The following ALKBH5 variants were observed in gnomAD, a reference collection of about 807,000 sequenced individuals.
ALKBH5 encodes the protein RNA demethylase ALKBH5.
ALKBH5 carries 2 observed loss-of-function variants against 32.1 expected under a neutral mutation model. The observed-to-expected ratio is 0.06, with a 90% CI of 0.03 to 0.20. The LOEUF (loss-of-function observed/expected upper bound fraction) is 0.20, where lower values mean the gene tolerates loss of function less well. Ranked by LOEUF, ALKBH5 falls within the 10% of genes least tolerant of loss-of-function variation. The probability of loss-of-function intolerance (pLI) is 1.00; values close to 1 mark genes in which losing one functional copy is unlikely to be tolerated. For missense variants in ALKBH5, 352 were observed against 559.5 expected (o/e 0.63, Z 3.74); for synonymous variants, 300 against 231.7 (o/e 1.29, Z -2.68).
At position 18,184,179 on chromosome 17, in the gene ALKBH5, C is replaced by A. The variant is rs1484309261; in HGVS notation, c.-65C>A. Reference sequence around the variant, plus strand: ...CCCTCCGGGGGCCCCGGGGCGCGTCCCCTTAGAGCCATGCCCGGCTGCCCC... The same window carrying A: ...CCCTCCGGGGGCCCCGGGGCGCGTCACCTTAGAGCCATGCCCGGCTGCCCC... On this transcript the variant is annotated 5_prime_UTR_variant, in exon 1 of 4. Coordinates refer to ENST00000399138, the MANE Select transcript of ALKBH5 (RefSeq NM_017758.4). The A allele has an allele frequency of 2.9e-6, 4 of 1,367,426 alleles. No individual in the cohort carries two copies. Among genetic ancestry groups the A allele is most frequent in the Non-Finnish European group, 3.9e-6 (4 of 1,032,900 alleles). The allele number at this position is 1,367,426 out of a possible 1,614,324, so 84.7% of individuals were successfully genotyped here.
chr17:18,203,136 C>G (rs372299555), intron 2 of ALKBH5, among the ~76,000 whole-genome samples: 1 of 151,110 alleles, frequency 6.6e-6, no homozygotes, highest in African/African-American at 2.4e-5. Flanking sequence ...CCAGGTTGGT[C>G]TGAAACTCCT....
intron 2 of ALKBH5, among the ~76,000 whole-genome samples, chr17:18,201,401 A>C (rs544049057): frequency 5.9e-5 from 9 of 152,302 alleles, no homozygotes; most frequent in African/African-American, 1.9e-4. Flanking sequence ...CTCCAAATGC[A>C]GTCTTATCTG....
chr17:18,208,574 C>A lies in ALKBH5; in HGVS notation c.*178C>A. The stretch of plus-strand genomic sequence containing the variant: ...TGTTAGGGCTGAAGAATAGAATTGG[C>A]CAGGACCTAGGTTCTCATATTCTTG... On this transcript the variant is annotated 3_prime_UTR_variant, in exon 4 of 4. Transcript: ENST00000399138. 1 of 774,644 alleles carries A rather than the reference C, an allele frequency of 1.3e-6. No homozygotes were observed. Among genetic ancestry groups the A allele is most frequent in the Non-Finnish European group, 2.2e-6 (1 of 461,014 alleles). 48.0% of individuals were successfully genotyped at this position (774,644 alleles called of 1,614,324 possible). A position where few individuals can be genotyped will look rare whatever the true frequency, so the allele number is the denominator to read the frequency against.
In ALKBH5 at chr17:18,208,504, T is replaced by C. The variant is rs1406388065; in HGVS notation, c.*108T>C. ...CATTGGGGGGTTTTTGTTTTTTGTT[T>C]TTTGTTTTTTTTGATTCTATATATT... On this transcript the variant is annotated 3_prime_UTR_variant, in exon 4 of 4. Coordinates refer to ENST00000399138, the MANE Select transcript of ALKBH5 (RefSeq NM_017758.4). 3 of 1,259,926 alleles carry C rather than the reference T, an allele frequency of 2.4e-6. No homozygotes were observed. The highest frequency in any genetic ancestry group is 3.1e-5 in the African/African-American group (2 of 65,306). 78.0% of individuals were successfully genotyped at this position (1,259,926 alleles called of 1,614,324 possible). A position where few individuals can be genotyped will look rare whatever the true frequency, so the allele number is the denominator to read the frequency against.
At chr17:18,208,162 A>G in intron 3 of ALKBH5, 57 bp from the exon 4 acceptor site, 1 of 1,543,898 alleles carries the variant, frequency 6.5e-7, no homozygotes, top group East Asian at 2.3e-5. Context: ...TACAGCGGTA[A>G]AGCCAGGCGC....
At chr17:18,188,164 A>C (rs1215122126) in intron 1 of ALKBH5, among the ~76,000 whole-genome samples, 1 of 152,104 alleles carries the variant, frequency 6.6e-6, no homozygotes, top group Non-Finnish European at 1.5e-5. Flanking sequence ...TCTTCATATC[A>C]CTTTATCTGT....
rs574095180 is a variant in ALKBH5 at position 18,184,205 on chromosome 17, G to C, written c.-39G>C. ...CCTTAGAGCCATGCCCGGCTGCCCC[G>C]CCCGCCCCGGAGGACCCTAGAGCAG... is the stretch of plus-strand genomic sequence containing the variant. On this transcript the variant is annotated 5_prime_UTR_variant, in exon 1 of 4. Coordinates refer to ENST00000399138, the MANE Select transcript of ALKBH5 (RefSeq NM_017758.4). 1.8e-4 allele frequency: 267 copies of C among 1,454,238 alleles called. 2 individuals carry two copies. In the South Asian group the frequency reaches 3.4e-3, roughly 18 times the overall value. 90.1% of individuals were successfully genotyped at this position (1,454,238 alleles called of 1,614,324 possible). A position where few individuals can be genotyped will look rare whatever the true frequency, so the allele number is the denominator to read the frequency against.
At chr17:18,185,378 C>T (rs954598447) in intron 1 of ALKBH5, among the ~76,000 whole-genome samples, 2 of 146,366 alleles carry the variant, frequency 1.4e-5, no homozygotes, top group Non-Finnish European at 1.5e-5. Flanking sequence ...CTTCCATTTA[C>T]AAATCTATGC....
At chr17:18,185,193 A>G (rs541932590) in intron 1 of ALKBH5, among the ~76,000 whole-genome samples, 180 bp downstream of exon 1, 2 of 152,176 alleles carry the variant, frequency 1.3e-5, no homozygotes, top group Non-Finnish European at 2.9e-5. Context: ...GCAAGAAAAT[A>G]GGGAACCGAT....
Position 18,184,456 on chromosome 17 carries a change from T to C in ALKBH5, c.213T>C (p.Tyr71=). The change falls in exon 1 of 4, where the codon TAT becomes TAC. Residue 71 remains tyrosine, a synonymous_variant. Coordinates refer to ENST00000399138, the MANE Select transcript of ALKBH5 (RefSeq NM_017758.4). The part of the protein sequence containing the change: ...QEDSDPERSD[Y]EEQQLQKEEE... ...ACTCGGACCCCGAGCGCAGCGACTA[T>C]GAGGAGCAGCAGCTGCAGAAGGAGG... is the stretch of plus-strand genomic sequence containing the variant. 2 of 1,611,274 alleles carry C rather than the reference T, an allele frequency of 1.2e-6. No individual in the cohort carries two copies. Among genetic ancestry groups the C allele is most frequent in the Non-Finnish European group, 1.7e-6 (2 of 1,179,124 alleles).
In ALKBH5 at chr17:18,184,339, C is replaced by CGCT; in HGVS notation, c.99_101dup (p.Ala37dup). On this transcript the variant is annotated inframe_insertion, in exon 1 of 4. Coordinates refer to ENST00000399138, the MANE Select transcript of ALKBH5 (RefSeq NM_017758.4). ...AGGCGGGCAGCCGGGAGGCCGCCGC[C>CGCT]GCTGCCGCAGCCGCCGTAGCCGCCG... The CGCT allele has an allele frequency of 1.3e-6, 2 of 1,512,136 alleles. No individual in the cohort carries two copies. Among genetic ancestry groups the CGCT allele is most frequent in the Non-Finnish European group, 1.8e-6 (2 of 1,134,020 alleles). The allele number at this position is 1,512,136 out of a possible 1,614,324, so 93.7% of individuals were successfully genotyped here. A position where few individuals can be genotyped will look rare whatever the true frequency, so the allele number is the denominator to read the frequency against.
rs2047128673 is a variant in ALKBH5, at chr17:18,184,948, G to A, written c.705G>A (p.Lys235=). 5 of 1,613,958 alleles carry A rather than the reference G, an allele frequency of 3.1e-6. No homozygotes were observed. Among genetic ancestry groups the A allele is most frequent in the Non-Finnish European group, 3.4e-6 (4 of 1,180,036 alleles). ...GCTTCGGCTGCAAGTTCCAGTTCAAGCCTATTCGGGTGTCGGAACCAGTGC... is the reference window on the plus strand; with the variant it reads ...GCTTCGGCTGCAAGTTCCAGTTCAAACCTATTCGGGTGTCGGAACCAGTGC... ...ALCFGCKFQF[K]PIRVSEPVLS... The change falls in exon 1 of 4, where the codon AAG becomes AAA. Residue 235 remains lysine (K), a synonymous_variant. Transcript: ENST00000399138.
At chr17:18,206,296 C>T (rs747042036) in intron 2 of ALKBH5, among the ~76,000 whole-genome samples, 6 of 152,150 alleles carry the variant, frequency 3.9e-5, no homozygotes, top group African/African-American at 7.2e-5. Context: ...TGGAGTGGGC[C>T]TGGGTTCCCT....
In ALKBH5 at chr17:18,184,560, G is replaced by T. The variant is rs751736728; in HGVS notation, c.317G>T (p.Arg106Leu). ...GACGAGTGCGCCAAGATCGAGGCCC[G>T]CATTGACGAGGTGGTGTCCCGCGCT... ...SQDECAKIEARIDEVVSRAEK... is the reference protein window; with the variant it reads ...SQDECAKIEALIDEVVSRAEK... The change falls in exon 1 of 4, where the codon CGC (arginine) becomes CTC (leucine). Residue 106 changes from arginine to leucine, a missense_variant. Physicochemically the swap from Arg to Leu is moderately radical, Grantham distance 102 (BLOSUM62 -2). Coordinates refer to ENST00000399138, the MANE Select transcript of ALKBH5 (RefSeq NM_017758.4). 1 of 1,613,332 alleles carries T rather than the reference G, an allele frequency of 6.2e-7. No individual in the cohort carries two copies. The highest frequency in any genetic ancestry group is 8.5e-7 in the Non-Finnish European group (1 of 1,180,016).
At chr17:18,202,271 G>A (rs11868886) in intron 2 of ALKBH5, among the ~76,000 whole-genome samples, 25,813 of 151,992 alleles carry the variant, frequency 0.17, 2,333 homozygotes, top group Middle Eastern at 0.21. Context: ...TCGCACCACA[G>A]CACCCCAACC....
At position 18,184,578 on chromosome 17, in the gene ALKBH5, C is replaced by G; in HGVS notation, c.335C>G (p.Ser112Cys). 6.2e-7 allele frequency: 1 copy of G among 1,613,336 alleles called. No individual in the cohort carries two copies. The highest frequency in any genetic ancestry group is 2.2e-5 in the East Asian group (1 of 44,882). The change falls in exon 1 of 4, where the codon TCC (serine) becomes TGC (cysteine). Residue 112 changes from serine (S) to cysteine (C), a missense_variant. Coordinates refer to ENST00000399138, the MANE Select transcript of ALKBH5 (RefSeq NM_017758.4). ...KIEARIDEVV[S>C]RAEKGLYNEH... ...GAGGCCCGCATTGACGAGGTGGTGTCCCGCGCTGAGAAGGGCCTGTACAAC... is the reference window on the plus strand; with the variant it reads ...GAGGCCCGCATTGACGAGGTGGTGTGCCGCGCTGAGAAGGGCCTGTACAAC...
At chr17:18,203,335 C>T (rs2047252361) in intron 2 of ALKBH5, among the ~76,000 whole-genome samples, 2 of 152,188 alleles carry the variant, frequency 1.3e-5, no homozygotes, top group African/African-American at 4.8e-5. Flanking sequence ...GAATAATTCA[C>T]CCCAGCAGCT....
At chr17:18,193,496 G>A (rs572684008) in intron 1 of ALKBH5, among the ~76,000 whole-genome samples, 71 of 151,700 alleles carry the variant, frequency 4.7e-4, no homozygotes, top group African/African-American at 1.7e-3. Flanking sequence ...GCAGTGAGCC[G>A]AGATTGTGCC....
chr17:18,184,182 T>C lies in ALKBH5; in HGVS notation c.-62T>C. On this transcript the variant is annotated 5_prime_UTR_variant, in exon 1 of 4. Coordinates refer to ENST00000399138, the MANE Select transcript of ALKBH5 (RefSeq NM_017758.4). ...TCCGGGGGCCCCGGGGCGCGTCCCC[T>C]TAGAGCCATGCCCGGCTGCCCCGCC... 5.7e-6 allele frequency: 8 copies of C among 1,404,558 alleles called. No individual in the cohort carries two copies. Among genetic ancestry groups the C allele is most frequent in the Non-Finnish European group, 7.5e-6 (8 of 1,060,600 alleles). 87.0% of individuals were successfully genotyped at this position (1,404,558 alleles called of 1,614,324 possible).
Sources: gnomAD v4.1 joint callset for allele counts (sites outside exome capture counted in the v4.1 genomes callset) on GRCh38, gnomAD v4.1.1 for gene constraint, MANE v1.5 for transcripts, NCBI Gene and HGNC (gene_info 2026-07-23, HGNC 2026-07-21) for gene names.